The following HSD17B4 variants were observed in gnomAD, a reference collection of about 807,000 sequenced individuals.
HSD17B4 encodes hydroxysteroid 17-beta dehydrogenase 4.
HSD17B4 carries 70 observed loss-of-function variants against 101.0 expected under a neutral mutation model. That is an observed-to-expected ratio of 0.69 (90% confidence interval 0.57 to 0.85). The LOEUF is 0.85. HSD17B4 is among the 40% of genes least tolerant of loss of function. HSD17B4 has a pLI of 0.00. For synonymous variants in HSD17B4, 347 were observed against 297.1 expected (o/e 1.17, Z -1.73); for missense variants, 984 against 892.4 (o/e 1.10, Z -1.31).
chr5:119,474,592 G>T (rs1748397133), intron 4 of HSD17B4, 132 bp downstream of exon 4: 1 of 710,882 alleles, frequency 1.4e-6, no homozygotes, highest in African/African-American at 1.8e-5. Context: ...TGATTTATAA[G>T]TTAATTATTG....
intron 14 of HSD17B4, 77 bp from the exon 15 acceptor site, chr5:119,506,741 C>A: frequency 1.2e-6 from 1 of 801,248 alleles, no homozygotes; most frequent in Non-Finnish European, 2.2e-6. Flanking sequence ...AGTGGAAATG[C>A]TATTAAATTC....
chr5:119,517,389 C>T (rs1441984238), intron 17 of HSD17B4, among the ~76,000 whole-genome samples: 1 of 152,222 alleles, frequency 6.6e-6, no homozygotes, highest in African/African-American at 2.4e-5. Context: ...AGCCTCCCAC[C>T]CCCTCCATGG....
chr5:119,531,006 A>G (rs772611869), intron 21 of HSD17B4, among the ~76,000 whole-genome samples: 6 of 152,006 alleles, frequency 3.9e-5, no homozygotes. Flanking sequence ...AAAGTTAGCT[A>G]AAACATAGGT....
At chr5:119,492,025 C>CT in intron 9 of HSD17B4, 75 bp from the exon 10 acceptor site, 1 of 1,258,126 alleles carries the variant, frequency 7.9e-7, no homozygotes, top group Non-Finnish European at 1.2e-6. Context: ...GAGGAGCTGA[C>CT]TTTTTTCTAA....
chr5:119,504,954 AT>A (rs1751511750), intron 14 of HSD17B4, among the ~76,000 whole-genome samples: 1 of 152,086 alleles, frequency 6.6e-6, no homozygotes, highest in East Asian at 1.9e-4. Flanking sequence ...GTCTAGTTTC[AT>A]TTTTCTGCAT....
At chr5:119,536,055 C>T in intron 22 of HSD17B4, 2 of 259,872 alleles carry the variant, frequency 7.7e-6, no homozygotes, top group Non-Finnish European at 7.5e-6. Flanking sequence ...CAGTAAGATG[C>T]CTGTAATGAA....
chr5:119,466,743 G>C (rs1755851359), intron 2 of HSD17B4, among the ~76,000 whole-genome samples: 1 of 151,564 alleles, frequency 6.6e-6, no homozygotes, highest in African/African-American at 2.4e-5. Flanking sequence ...CCAACTTTTT[G>C]TTTCAGTGAC....
chr5:119,539,195 A>C (rs1039707398), intron 23 of HSD17B4, among the ~76,000 whole-genome samples: 1 of 152,166 alleles, frequency 6.6e-6, no homozygotes, highest in Non-Finnish European at 1.5e-5. Flanking sequence ...ACAAAAGTCC[A>C]TCAATGATAG....
At chr5:119,541,340 G>C (rs1754973738) in intron 23 of HSD17B4, among the ~76,000 whole-genome samples, 1 of 152,114 alleles carries the variant, frequency 6.6e-6, no homozygotes, top group Non-Finnish European at 1.5e-5. Flanking sequence ...TTATAGATGA[G>C]GAGATTGAAA....
At chr5:119,467,694 T>C (rs1009396170) in intron 2 of HSD17B4, among the ~76,000 whole-genome samples, 41 of 152,232 alleles carry the variant, frequency 2.7e-4, no homozygotes, top group African/African-American at 9.6e-4. Flanking sequence ...GAAAATACAG[T>C]ATTCATAGGA....
chr5:119,474,578 A>C, intron 4 of HSD17B4, 118 bp downstream of exon 4: 1 of 750,810 alleles, frequency 1.3e-6, no homozygotes, highest in East Asian at 2.6e-5. Flanking sequence ...CACATTTTAA[A>C]ATTTGATTTA....
intron 4 of HSD17B4, among the ~76,000 whole-genome samples, chr5:119,475,271 G>A (rs1021137415): frequency 6.6e-6 from 1 of 151,938 alleles, no homozygotes; most frequent in Non-Finnish European, 1.5e-5. Context: ...ATCAAGATAA[G>A]GCATCAGTTT....
intron 16 of HSD17B4, among the ~76,000 whole-genome samples, chr5:119,511,067 A>G (rs187438704): frequency 7.0e-4 from 106 of 152,320 alleles, no homozygotes; most frequent in Non-Finnish European, 1.1e-3. Context: ...TCAGCAGAGA[A>G]GAACAGAAGC....
intron 18 of HSD17B4, 44 bp downstream of exon 18, chr5:119,525,329 C>A: frequency 8.6e-7 from 1 of 1,156,874 alleles, no homozygotes; most frequent in Non-Finnish European, 1.3e-6. Flanking sequence ...ATTAGCTATT[C>A]GATATTTAAT....
intron 16 of HSD17B4, among the ~76,000 whole-genome samples, chr5:119,510,019 T>C (rs968474693): frequency 2.0e-5 from 3 of 152,238 alleles, no homozygotes; most frequent in African/African-American, 7.2e-5. Flanking sequence ...AGCTGCACAT[T>C]GTTTAAGGGT....
At chr5:119,500,324 G>C (rs1356470347) in intron 13 of HSD17B4, among the ~76,000 whole-genome samples, 1 of 151,554 alleles carries the variant, frequency 6.6e-6, no homozygotes, top group Non-Finnish European at 1.5e-5. Context: ...AGAGAGATGG[G>C]TGCATATATA....
Position 119,521,818 on chromosome 5 carries a change from T to G in HSD17B4, c.1504-3398T>G, listed in dbSNP as rs188612827. 4.3e-4 allele frequency among the ~76,000 whole-genome samples: 66 copies of G among 152,112 alleles called. 1 individual carries two copies. Among genetic ancestry groups the G allele is most frequent in the African/African-American group, 1.5e-3 (64 of 41,546 alleles). On this transcript the variant is annotated intron_variant, in intron 17 of 23. Transcript: ENST00000510025. ...TGTTTGTTTTACATCCCCAAATGCT[T>G]GAGTGTTTTGTTACAGTTTTCTTCT...
At chr5:119,523,151 G>A (rs1322589598) in intron 17 of HSD17B4, among the ~76,000 whole-genome samples, 1 of 151,428 alleles carries the variant, frequency 6.6e-6, no homozygotes, top group Admixed American at 6.6e-5. Context: ...TTTTTTTCGA[G>A]GATATGAGGA....
chr5:119,529,938 T>A lies in HSD17B4; in HGVS notation c.1812T>A (p.Asp604Glu), dbSNP rs1753916038. 1 of 1,611,264 alleles carries A rather than the reference T, an allele frequency of 6.2e-7. No individual in the cohort carries two copies. Among genetic ancestry groups the A allele is most frequent in the Non-Finnish European group, 8.5e-7 (1 of 1,177,950 alleles). ...TTGTCATTTCAAATGCATATGTGGA[T>A]CTTGCACCAACATCTGGTACTTCAG... ...GDIVISNAYV[D>E]LAPTSGTSAK... Residue 604 changes from aspartate to glutamate, a missense_variant, in exon 21 of 24, where the codon GAT (aspartate) becomes GAA (glutamate). Asp to Glu is a conservative substitution (Grantham distance 45). Coordinates refer to ENST00000510025, the MANE Select transcript of HSD17B4 (RefSeq NM_000414.4).
Sources: gnomAD v4.1 joint callset for allele counts (sites outside exome capture counted in the v4.1 genomes callset) on GRCh38, gnomAD v4.1.1 for gene constraint, MANE v1.5 for transcripts, NCBI Gene and HGNC (gene_info 2026-07-23, HGNC 2026-07-21) for gene names.